AFF3: variants seen among roughly 807,000 people sequenced by gnomAD.
AFF3 encodes the protein AF4/FMR2 family member 3.
A neutral mutation model predicts 129.7 loss-of-function variants in AFF3; 32 were observed. That is an observed-to-expected ratio of 0.25 (90% CI 0.19 to 0.33). The LOEUF (loss-of-function observed/expected upper bound fraction) is 0.33, where lower values mean the gene tolerates loss of function less well. AFF3 is among the 10% of genes least tolerant of loss of function. The pLI is 1.00. For missense variants in AFF3, 1,373 were observed against 1,592.0 expected (o/e 0.86, Z 2.34); for synonymous variants, 644 against 635.4 (o/e 1.01, Z -0.20).
Position 99,613,023 on chromosome 2 carries a change from T to G in AFF3, c.1185-11402A>C, listed in dbSNP as rs182210213. ...ATGGTTTTTGAACTTTTCTGTATTT[T>G]CAAAATTCTCATTTTCTTTTCACCA... On this transcript the variant is annotated intron_variant, in intron 13 of 24. Coordinates refer to ENST00000672756, the MANE Select transcript of AFF3 (RefSeq NM_001386135.1). Among the ~76,000 whole-genome samples the G allele has an allele frequency of 1.9e-3, 284 of 152,374 alleles. 1 individual carries two copies. Among genetic ancestry groups the G allele is most frequent in the Admixed American group, 4.8e-3 (73 of 15,302 alleles).
chr2:99,679,598 T>C (rs991753882), intron 11 of AFF3, among the ~76,000 whole-genome samples: 1 of 152,038 alleles, frequency 6.6e-6, no homozygotes, highest in Non-Finnish European at 1.5e-5. Flanking sequence ...TCTATAGTAA[T>C]AGAAAATAAG....
intron 7 of AFF3, among the ~76,000 whole-genome samples, chr2:99,880,048 C>T (rs773697497): frequency 6.6e-6 from 1 of 152,096 alleles, no homozygotes; most frequent in Non-Finnish European, 1.5e-5. Flanking sequence ...TGTAGAATAT[C>T]GATTTGAAGT....
intron 10 of AFF3, among the ~76,000 whole-genome samples, chr2:99,740,535 G>A (rs1450831597): frequency 2.7e-5 from 4 of 147,246 alleles, no homozygotes; most frequent in Non-Finnish European, 6.0e-5. Context: ...TCTCATTGTG[G>A]TTTTGATTTG....
At chr2:100,077,337 G>A (rs1352437535) in intron 4 of AFF3, among the ~76,000 whole-genome samples, 2 of 152,190 alleles carry the variant, frequency 1.3e-5, no homozygotes, top group Non-Finnish European at 2.9e-5. Context: ...AGAAGGAGCA[G>A]GAAGGTTAGA....
At chr2:99,739,301 G>T (rs1680521538) in intron 10 of AFF3, among the ~76,000 whole-genome samples, 1 of 151,882 alleles carries the variant, frequency 6.6e-6, no homozygotes. Flanking sequence ...CCTGTTCAGG[G>T]GTATTTTTCA....
intron 16 of AFF3, among the ~76,000 whole-genome samples, chr2:99,585,903 A>G (rs1184425193): frequency 6.6e-6 from 1 of 151,738 alleles, no homozygotes; most frequent in Non-Finnish European, 1.5e-5. Flanking sequence ...TAATTTTTTT[A>G]TATTTTTAGT....
intron 7 of AFF3, among the ~76,000 whole-genome samples, chr2:99,950,307 G>C (rs1676026735): frequency 1.3e-5 from 2 of 152,076 alleles, no homozygotes; most frequent in Non-Finnish European, 2.9e-5. Flanking sequence ...TGGGATTCTG[G>C]TTTTTGTTTC....
intron 4 of AFF3, among the ~76,000 whole-genome samples, chr2:100,048,473 T>G (rs1686019250): frequency 6.6e-6 from 1 of 152,244 alleles, no homozygotes; most frequent in South Asian, 2.1e-4. Flanking sequence ...TTATATTTAT[T>G]TCCTAGTCTA....
At chr2:100,103,311 G>C (rs572735216) in intron 4 of AFF3, among the ~76,000 whole-genome samples, 1 of 150,536 alleles carries the variant, frequency 6.6e-6, no homozygotes, top group East Asian at 1.9e-4. Context: ...ACTCTTTACT[G>C]AATTAAAGCA....
At chr2:100,101,204 T>C (rs2105472975) in intron 4 of AFF3, among the ~76,000 whole-genome samples, 1 of 152,340 alleles carries the variant, frequency 6.6e-6, no homozygotes, top group East Asian at 1.9e-4. Flanking sequence ...GAGGTAGTTG[T>C]GAATTATCAA....
intron 4 of AFF3, among the ~76,000 whole-genome samples, chr2:100,071,028 G>A (rs1362357117): frequency 5.9e-5 from 9 of 152,144 alleles, no homozygotes; most frequent in Non-Finnish European, 8.8e-5. Flanking sequence ...ATAAAAGGAC[G>A]TGACAGAATA....
At chr2:99,875,639 C>T (rs1366805712) in intron 7 of AFF3, among the ~76,000 whole-genome samples, 4 of 152,094 alleles carry the variant, frequency 2.6e-5, no homozygotes, top group South Asian at 2.1e-4. Context: ...CCAGGGGTAC[C>T]GGGCATGGCA....
intron 2 of AFF3, among the ~76,000 whole-genome samples, chr2:100,114,589 C>A (rs1006006486): frequency 2.6e-5 from 4 of 151,972 alleles, no homozygotes; most frequent in Non-Finnish European, 4.4e-5. Context: ...ACCATGTTGG[C>A]CAGGCTGGTC....
intron 7 of AFF3, among the ~76,000 whole-genome samples, chr2:99,900,214 A>G (rs1694247558): frequency 6.6e-6 from 1 of 152,160 alleles, no homozygotes; most frequent in African/African-American, 2.4e-5. Flanking sequence ...CTCATGATGA[A>G]ACAAAGTGAT....
At chr2:99,922,402 G>A (rs1398818267) in intron 7 of AFF3, among the ~76,000 whole-genome samples, 1 of 152,190 alleles carries the variant, frequency 6.6e-6, no homozygotes, top group Non-Finnish European at 1.5e-5. Context: ...AAGAATTAAT[G>A]ATGCAGACAA....
chr2:99,837,601 T>G, intron 7 of AFF3, 77 bp from the exon 8 acceptor site: 1 of 1,339,152 alleles, frequency 7.5e-7, no homozygotes, highest in Non-Finnish European at 1.0e-6. Flanking sequence ...GGTTCCAAAT[T>G]AGTCCCCCCC....
chr2:99,647,196 C>A (rs566812611), intron 13 of AFF3, among the ~76,000 whole-genome samples: 8 of 152,320 alleles, frequency 5.3e-5, no homozygotes, highest in African/African-American at 1.9e-4. Context: ...AAGACACATG[C>A]ACGTGTACGT....
chr2:99,910,350 C>T (rs1054765632), intron 7 of AFF3, among the ~76,000 whole-genome samples: 3 of 152,088 alleles, frequency 2.0e-5, no homozygotes, highest in Admixed American at 2.0e-4. Context: ...CAAAACTAGA[C>T]TTGATTAATA....
intron 2 of AFF3, among the ~76,000 whole-genome samples, chr2:100,125,750 G>C (rs968963228): frequency 1.3e-5 from 2 of 152,120 alleles, no homozygotes; most frequent in African/African-American, 4.8e-5. Flanking sequence ...CAAGGAAGGA[G>C]AGGAGGTGTT....
Sources: gnomAD v4.1 joint callset for allele counts (sites outside exome capture counted in the v4.1 genomes callset) on GRCh38, gnomAD v4.1.1 for gene constraint, MANE v1.5 for transcripts, NCBI Gene and HGNC (gene_info 2026-07-23, HGNC 2026-07-21) for gene names.